Variants in TMEM63C observed in about 807,000 individuals in gnomAD.
TMEM63C encodes the protein osmosensitive cation channel TMEM63C.
Under a neutral mutation model 99.2 loss-of-function variants are expected in TMEM63C, and 32 were observed. That is an observed-to-expected ratio of 0.32 (90% CI 0.24 to 0.43). The LOEUF (loss-of-function observed/expected upper bound fraction) is 0.43, where lower values mean the gene tolerates loss of function less well. Ranked by LOEUF, TMEM63C falls within the 20% of genes least tolerant of loss-of-function variation. The pLI is 1.00. For synonymous variants in TMEM63C, 376 were observed against 397.9 expected (o/e 0.94, Z 0.66); for missense variants, 826 against 1,053.0 (o/e 0.78, Z 2.98).
intron 15 of TMEM63C, 112 bp downstream of exon 15, chr14:77,243,168 T>C: frequency 1.6e-6 from 2 of 1,281,994 alleles, no homozygotes; most frequent in Non-Finnish European, 2.1e-6. Flanking sequence ...GCCCATACAG[T>C]GCGAACATTG....
chr14:77,228,990 A>C (rs1455710527), intron 6 of TMEM63C, among the ~76,000 whole-genome samples: 1 of 152,214 alleles, frequency 6.6e-6, no homozygotes, highest in Non-Finnish European at 1.5e-5. Context: ...CCATCAACAG[A>C]GGCCACTGTC....
intron 1 of TMEM63C, among the ~76,000 whole-genome samples, chr14:77,191,345 C>G (rs529681829): frequency 7.0e-4 from 107 of 152,156 alleles, no homozygotes; most frequent in African/African-American, 2.5e-3. Flanking sequence ...CTCTGTGTGG[C>G]CACTGTCCTA....
At chr14:77,234,376 TC>T (rs1012243136) in intron 8 of TMEM63C, among the ~76,000 whole-genome samples, 1 of 152,086 alleles carries the variant, frequency 6.6e-6, no homozygotes, top group African/African-American at 2.4e-5. Flanking sequence ...GACCATATCC[TC>T]CCCTGAGGAT....
chr14:77,239,812 G>T, intron 12 of TMEM63C, 86 bp downstream of exon 12: 1 of 1,524,504 alleles, frequency 6.6e-7, no homozygotes. Flanking sequence ...GCACTGTTGG[G>T]CCCCAGGCCT....
intron 23 of TMEM63C, 139 bp downstream of exon 23, chr14:77,253,515 C>G: frequency 1.3e-6 from 1 of 796,520 alleles, no homozygotes; most frequent in Non-Finnish European, 2.1e-6. Context: ...GGGCTCCCTC[C>G]TCTAATGGAG....
intron 6 of TMEM63C, among the ~76,000 whole-genome samples, chr14:77,228,363 T>C (rs1341653401): frequency 1.3e-5 from 2 of 150,960 alleles, no homozygotes; most frequent in African/African-American, 4.8e-5. Context: ...CAAGAGGACC[T>C]TCCCCCGCTC....
chr14:77,250,036 T>C (rs1889330397), intron 21 of TMEM63C, among the ~76,000 whole-genome samples: 1 of 152,186 alleles, frequency 6.6e-6, no homozygotes, highest in African/African-American at 2.4e-5. Flanking sequence ...GGTCTCACTA[T>C]GTTGCCCAGT....
In TMEM63C at chr14:77,244,471, C is replaced by T; in HGVS notation, c.1448+16C>T. The T allele has an allele frequency of 6.3e-7, 1 of 1,598,438 alleles. No individual in the cohort carries two copies. Among genetic ancestry groups the T allele is most frequent in the Middle Eastern group, 1.7e-4 (1 of 6,024 alleles). The stretch of plus-strand genomic sequence containing the variant: ...ACTGGACCAGGTGACCTGGGGGCCT[C>T]CTCTCGTAGCCCTGTGGTTTCTCCA... On this transcript the variant is annotated intron_variant, in intron 16 of 23. Transcript: ENST00000298351.
intron 5 of TMEM63C, among the ~76,000 whole-genome samples, chr14:77,221,641 T>A (rs1343265708): frequency 2.8e-4 from 9 of 32,644 alleles, no homozygotes; most frequent in South Asian, 1.7e-3. Context: ...CTCCCCTCCC[T>A]CTCACACCTC....
chr14:77,224,194 G>A (rs981883215), intron 5 of TMEM63C, among the ~76,000 whole-genome samples: 2 of 152,006 alleles, frequency 1.3e-5, no homozygotes, highest in East Asian at 2.0e-4. Flanking sequence ...CTTATGCCGA[G>A]GGGAGCAAGG....
rs965731518 is a variant in TMEM63C at position 77,239,623 on chromosome 14, G to A, written c.827G>A (p.Arg276Gln). The A allele has an allele frequency of 1.2e-6, 2 of 1,613,352 alleles. No homozygotes were observed. Among genetic ancestry groups the A allele is most frequent in the South Asian group, 1.1e-5 (1 of 91,022 alleles). ...DDQRRHAMRGRLFYTAKAKKT... is the reference protein window; with the variant it reads ...DDQRRHAMRGQLFYTAKAKKT... ...GGCAGGCGCCATGCCATGCGGGGCC[G>A]GCTTTTCTATACAGCCAAGGCCAAG... The change falls in exon 12 of 24, where the codon CGG becomes CAG. Residue 276 changes from arginine (R) to glutamine (Q), a missense_variant. Transcript: ENST00000298351.
intron 1 of TMEM63C, among the ~76,000 whole-genome samples, chr14:77,189,487 G>A (rs28407451): frequency 0.028 from 4,210 of 152,222 alleles, 171 homozygotes; most frequent in African/African-American, 0.086. Flanking sequence ...AATTTCTGTT[G>A]CAATGCCTAC....
rs1300842976 is a variant in TMEM63C at position 77,259,270 on chromosome 14, G to A, written c.*2544G>A. 4 of 152,472 alleles carry A rather than the reference G, an allele frequency of 2.6e-5. No individual in the cohort carries two copies. The highest frequency in any genetic ancestry group is 2.6e-4 in the Admixed American group (4 of 15,292). 9.4% of individuals were successfully genotyped at this position (152,472 alleles called of 1,614,324 possible). On this transcript the variant is annotated 3_prime_UTR_variant, in exon 24 of 24. Transcript: ENST00000298351. ...CCGGTATTGCCTAGAGCCTCCAGGA[G>A]GGGCCCTCCTCAGGCCTCCAGTGGC...
At chr14:77,228,637 A>G (rs1246698670) in intron 6 of TMEM63C, among the ~76,000 whole-genome samples, 1 of 151,836 alleles carries the variant, frequency 6.6e-6, no homozygotes, top group Non-Finnish European at 1.5e-5. Context: ...CCCACGTTCA[A>G]ACAATTTTCC....
intron 1 of TMEM63C, among the ~76,000 whole-genome samples, chr14:77,191,539 T>C (rs1888107985): frequency 1.3e-4 from 1 of 7,752 alleles, no homozygotes; most frequent in Non-Finnish European, 2.9e-4. Context: ...TTTCTTTTTC[T>C]TTTTTTTTTT....
chr14:77,238,753 C>G lies in TMEM63C; in HGVS notation c.711C>G (p.Ile237Met). Residue 237 changes from isoleucine to methionine, a missense_variant, in exon 10 of 24, where the codon ATC becomes ATG. Coordinates refer to ENST00000298351, the MANE Select transcript of TMEM63C (RefSeq NM_020431.4). ...VPKDIEDPEL[I>M]IKHFHEAYPG... ...AGGACATTGAAGACCCAGAACTCAT[C>G]ATTAAGCATTTTCAGTAAGTGGGTT... The G allele has an allele frequency of 6.2e-7, 1 of 1,613,836 alleles. No individual in the cohort carries two copies. The highest frequency in any genetic ancestry group is 8.5e-7 in the Non-Finnish European group (1 of 1,179,728).
chr14:77,219,887 G>A, intron 4 of TMEM63C, 119 bp from the exon 5 acceptor site: 1 of 901,778 alleles, frequency 1.1e-6, no homozygotes, highest in South Asian at 1.6e-5. Flanking sequence ...GAGCTGAGGA[G>A]CGCCTGCCCG....
intron 6 of TMEM63C, among the ~76,000 whole-genome samples, chr14:77,229,697 C>T (rs1211360371): frequency 2.0e-5 from 3 of 150,330 alleles, no homozygotes; most frequent in East Asian, 4.0e-4. Context: ...AGCAATCCAC[C>T]TGTCTCTGCC....
chr14:77,256,118 A>T (rs984745938), intron 23 of TMEM63C, among the ~76,000 whole-genome samples: 1 of 152,224 alleles, frequency 6.6e-6, no homozygotes, highest in Non-Finnish European at 1.5e-5. Flanking sequence ...AACCAGTGAC[A>T]GATCCCGAGG....
Sources: allele counts gnomAD v4.1 joint callset (sites outside exome capture counted in the v4.1 genomes callset), GRCh38; gene constraint gnomAD v4.1.1; transcripts MANE v1.5; gene names NCBI Gene and HGNC (gene_info 2026-07-23, HGNC 2026-07-21).